Variants in EXD2 observed in about 807,000 individuals in gnomAD.
EXD2 encodes the protein exonuclease 3'-5' domain containing 2, also known as exonuclease 3'-5' domain-containing protein 2.
In EXD2, 40 loss-of-function variants were observed where a neutral mutation model predicts 62.5. That is an observed-to-expected ratio of 0.64 (90% confidence interval 0.50 to 0.83). The LOEUF is 0.83. EXD2 is among the 40% of genes least tolerant of loss of function. The pLI, the probability that EXD2 is intolerant of heterozygous loss-of-function variation, is 0.00. For missense variants in EXD2, 671 were observed against 761.8 expected, an observed-to-expected ratio of 0.88 and a Z score of 1.40; for synonymous variants, 239 against 291.9, an observed-to-expected ratio of 0.82 and a Z score of 1.85.
intron 3 of EXD2, among the ~76,000 whole-genome samples, chr14:69,222,516 A>G (rs1393614486): frequency 6.6e-6 from 1 of 152,154 alleles, no homozygotes; most frequent in Non-Finnish European, 1.5e-5. Flanking sequence ...TCACACTCAC[A>G]TTCTTCTATC....
intron 8 of EXD2, 37 bp downstream of exon 8, chr14:69,236,579 C>G: frequency 6.2e-7 from 1 of 1,613,386 alleles, no homozygotes; most frequent in Non-Finnish European, 8.5e-7. Context: ...TTGTCTGTGG[C>G]AGATGGAAAT....
intron 1 of EXD2, among the ~76,000 whole-genome samples, chr14:69,192,828 T>A (rs1190379489): frequency 6.6e-6 from 1 of 152,244 alleles, no homozygotes; most frequent in Non-Finnish European, 1.5e-5. Flanking sequence ...TCTTTCTACT[T>A]GCTCTGTAAA....
intron 5 of EXD2, among the ~76,000 whole-genome samples, chr14:69,232,773 G>T (rs939580917): frequency 2.0e-5 from 3 of 151,980 alleles, no homozygotes; most frequent in African/African-American, 7.3e-5. Flanking sequence ...TGAGTTTTAG[G>T]AATTCTTTGT....
chr14:69,201,829 C>T (rs1477557551), intron 1 of EXD2, among the ~76,000 whole-genome samples: 1 of 151,868 alleles, frequency 6.6e-6, no homozygotes, highest in Non-Finnish European at 1.5e-5. Flanking sequence ...AGTGCAGGCG[C>T]ACACCACCAC....
chr14:69,194,339 C>T (rs1490257003), intron 1 of EXD2, among the ~76,000 whole-genome samples: 5 of 151,834 alleles, frequency 3.3e-5, no homozygotes, highest in Non-Finnish European at 5.9e-5. Context: ...GGGGTTTCAC[C>T]GTGTTTGCTA....
chr14:69,239,017 C>T (rs911806779), intron 9 of EXD2: 3 of 152,342 alleles, frequency 2.0e-5, no homozygotes, highest in East Asian at 1.9e-4. Context: ...GTGTCTCCGA[C>T]TTTATACAGG....
chr14:69,237,531 G>A, intron 8 of EXD2, 44 bp from the exon 9 acceptor site: 4 of 1,585,222 alleles, frequency 2.5e-6, no homozygotes, highest in South Asian at 1.1e-5. Flanking sequence ...CATGTGCTCT[G>A]TCATACACTT....
At chr14:69,239,166 C>G (rs1012383231) in intron 9 of EXD2, 1 of 152,210 alleles carries the variant, frequency 6.6e-6, no homozygotes, top group Non-Finnish European at 1.5e-5. Context: ...CTTGCTTTCT[C>G]CCTCCTTCTC....
At position 69,241,719 on chromosome 14, in the gene EXD2, A is replaced by G. The variant is rs764676818; in HGVS notation, c.*619A>G. On this transcript the variant is annotated 3_prime_UTR_variant, in exon 10 of 10. Transcript: ENST00000685843. ...CTTTACACTTCCAGGACCAAACAGC[A>G]ACTTCCTGCCACACACTTCCACCCT... is the stretch of plus-strand genomic sequence containing the variant. 13 of 397,596 alleles carry G rather than the reference A, an allele frequency of 3.3e-5. No homozygotes were observed. Among genetic ancestry groups the G allele is most frequent in the Non-Finnish European group, 4.4e-5 (10 of 225,804 alleles). The allele number at this position is 397,596 out of a possible 1,614,324, so 24.6% of individuals were successfully genotyped here.
chr14:69,209,490 T>C lies in EXD2; in HGVS notation c.20T>C (p.Val7Ala), dbSNP rs746073543. Residue 7 changes from valine to alanine, a missense_variant, in exon 3 of 10, where the codon GTG becomes GCG. Val to Ala is a moderately conservative substitution (Grantham distance 64, BLOSUM62 0). Transcript: ENST00000685843. Reference protein sequence around the residue: MSRQNLVALTVTTLLGV... With the variant: MSRQNLAALTVTTLLGV... ...TCGAAGATGTCTAGACAGAACTTAG[T>C]GGCTTTGACAGTGACTACCCTTCTG... is the stretch of plus-strand genomic sequence containing the variant. 1 of 1,540,794 alleles carries C rather than the reference T, an allele frequency of 6.5e-7. No homozygotes were observed. The highest frequency in any genetic ancestry group is 1.2e-5 in the South Asian group (1 of 82,798).
At chr14:69,194,142 CTT>C (rs10716345) in intron 1 of EXD2, among the ~76,000 whole-genome samples, 193 of 136,358 alleles carry the variant, frequency 1.4e-3, no homozygotes, top group African/African-American at 2.4e-3. Flanking sequence ...TCAGTCCATT[CTT>C]TTTTTTTTTT....
chr14:69,208,431 C>T (rs867448904), intron 2 of EXD2, among the ~76,000 whole-genome samples: 1 of 151,470 alleles, frequency 6.6e-6, no homozygotes, highest in Non-Finnish European at 1.5e-5. Flanking sequence ...GGGATGGTCT[C>T]GATCTCCTGA....
chr14:69,196,071 C>T (rs1387044349), intron 1 of EXD2: 1 of 152,224 alleles, frequency 6.6e-6, no homozygotes, highest in Non-Finnish European at 1.5e-5. Context: ...TGGTTGTTGG[C>T]AATCCATGGC....
At chr14:69,204,847 G>T (rs985845518) in intron 2 of EXD2, among the ~76,000 whole-genome samples, 23 of 152,164 alleles carry the variant, frequency 1.5e-4, no homozygotes, top group African/African-American at 5.1e-4. Flanking sequence ...AATACCTTGA[G>T]CTGAATTTCA....
At position 69,200,417 on chromosome 14, in the gene EXD2, A is replaced by G. The variant is rs538702391; in HGVS notation, c.-131-3500A>G. On this transcript the variant is annotated intron_variant, in intron 1 of 9. Coordinates refer to ENST00000685843, the MANE Select transcript of EXD2 (RefSeq NM_001193360.2). ...AATTGTACACTTAAAAATGGCTAAA[A>G]TGGGCCAGGCGTGGTGGCTCAGGCC... Among the ~76,000 whole-genome samples, 14 of 152,120 alleles carry G rather than the reference A, an allele frequency of 9.2e-5. 2 individuals are homozygous for G. The South Asian group carries it at 2.9e-3, about 32-fold the overall frequency.
At chr14:69,193,052 C>CTT (rs2042086185) in intron 1 of EXD2, among the ~76,000 whole-genome samples, 1 of 147,926 alleles carries the variant, frequency 6.8e-6, no homozygotes, top group Admixed American at 6.8e-5. Flanking sequence ...TTCCTCCATT[C>CTT]TCTCTCTCTT....
Position 69,241,178 on chromosome 14 carries a change from A to C in EXD2, c.*78A>C. ...GAGTCACCTCTTCCCATTTTAGTAC[A>C]TCATTAATTGTCAAAGCCTGTGTGA... On this transcript the variant is annotated 3_prime_UTR_variant, in exon 10 of 10. Coordinates refer to ENST00000685843, the MANE Select transcript of EXD2 (RefSeq NM_001193360.2). 8.5e-7 allele frequency: 1 copy of C among 1,180,908 alleles called. No homozygotes were observed. The highest frequency in any genetic ancestry group is 1.2e-6 in the Non-Finnish European group (1 of 828,364). 73.2% of individuals were successfully genotyped at this position (1,180,908 alleles called of 1,614,324 possible). A position where few individuals can be genotyped will look rare whatever the true frequency, so the allele number is the denominator to read the frequency against.
intron 1 of EXD2, among the ~76,000 whole-genome samples, chr14:69,194,818 A>ATAC (rs1455793220): frequency 4.6e-5 from 7 of 152,356 alleles, no homozygotes; most frequent in Middle Eastern, 3.4e-3. Context: ...TGGAAGTCAT[A>ATAC]TACTATATCA....
At chr14:69,226,375 T>G (rs1594768427) in intron 3 of EXD2, among the ~76,000 whole-genome samples, 1 of 152,318 alleles carries the variant, frequency 6.6e-6, no homozygotes, top group Middle Eastern at 3.4e-3. Context: ...TAGCTCTCAC[T>G]GATAAAGCAG....
Sources: gnomAD v4.1 joint callset for allele counts (sites outside exome capture counted in the v4.1 genomes callset) on GRCh38, gnomAD v4.1.1 for gene constraint, MANE v1.5 for transcripts, NCBI Gene and HGNC (gene_info 2026-07-23, HGNC 2026-07-21) for gene names.